Variants in PDE4A observed in about 807,000 individuals in gnomAD.
The protein encoded by PDE4A is 3',5'-cyclic-AMP phosphodiesterase 4A.
A neutral mutation model predicts 73.9 loss-of-function variants in PDE4A; 21 were observed. The ratio of observed to expected loss-of-function variants is 0.28; its 90% CI spans 0.20 to 0.41. The LOEUF is 0.41. PDE4A is among the 10% of genes least tolerant of loss of function. The pLI, the probability that PDE4A is intolerant of heterozygous loss-of-function variation, is 1.00. For synonymous variants in PDE4A, 463 were observed against 505.4 expected (o/e 0.92, Z 1.13); for missense variants, 958 against 1,211.4 (o/e 0.79, Z 3.10).
In PDE4A at chr19:10,420,557, G is replaced by A. The variant is rs575681254; in HGVS notation, c.-208G>A. The A allele has an allele frequency of 4.5e-5, 55 of 1,223,918 alleles. No individual in the cohort carries two copies. The East Asian group carries it at 1.6e-3, about 35-fold the overall frequency. 75.8% of individuals were successfully genotyped at this position (1,223,918 alleles called of 1,614,324 possible). A position where few individuals can be genotyped will look rare whatever the true frequency, so the allele number is the denominator to read the frequency against. On this transcript the variant is annotated 5_prime_UTR_variant, in exon 1 of 15. Coordinates refer to ENST00000380702, the MANE Select transcript of PDE4A (RefSeq NM_001111307.2). The surrounding 1 kb of genome is among the most constrained non-coding windows in gnomAD (Gnocchi z 6.0). ...CGCGGAGAGCGCCGCCGGGCACTGAGCAGAGCTCCAGGCGCCGAAAGGAAG... is the reference window on the plus strand; with the variant it reads ...CGCGGAGAGCGCCGCCGGGCACTGAACAGAGCTCCAGGCGCCGAAAGGAAG...
At chr19:10,465,683 C>CTTTTTTTTGTTTTTT (rs2043355269) in intron 14 of PDE4A, among the ~76,000 whole-genome samples, 1 of 48,366 alleles carries the variant, frequency 2.1e-5, no homozygotes, top group Non-Finnish European at 3.7e-5. Flanking sequence ...GTGGCTTTAG[C>CTTTTTTTTGTTTTTT]TTTTTTTTTT....
chr19:10,421,447 G>A (rs1178593573), intron 1 of PDE4A: 2 of 586,132 alleles, frequency 3.4e-6, no homozygotes, highest in Admixed American at 1.3e-4. Context: ...CTATACTGAG[G>A]GCTAGATTCG....
At chr19:10,450,502 T>C in intron 4 of PDE4A, 101 bp from the exon 5 acceptor site, 1 of 1,482,330 alleles carries the variant, frequency 6.7e-7, no homozygotes. Flanking sequence ...ACGGTGAGTT[T>C]TCAGACAAAT....
intron 13 of PDE4A, 47 bp from the exon 14 acceptor site, chr19:10,463,746 C>T (rs1187109628): frequency 1.9e-6 from 3 of 1,602,704 alleles, no homozygotes; most frequent in African/African-American, 1.3e-5. Context: ...CAGACTGGGA[C>T]ACAGGCATAG....
chr19:10,448,473 C>T (rs1213639571), intron 2 of PDE4A, among the ~76,000 whole-genome samples: 5 of 151,802 alleles, frequency 3.3e-5, no homozygotes, highest in African/African-American at 1.2e-4. Context: ...CCAGTCTCTA[C>T]TAAAAATACA....
intron 5 of PDE4A, 46 bp from the exon 6 acceptor site, chr19:10,450,783 T>A: frequency 6.3e-7 from 1 of 1,581,038 alleles, no homozygotes; most frequent in Non-Finnish European, 8.6e-7. Context: ...TCTGGGCTTC[T>A]GCCTACAGAC....
At chr19:10,430,939 AGCCCCTG>A (rs1045725115) in intron 1 of PDE4A, 1 of 1,515,722 alleles carries the variant, frequency 6.6e-7, no homozygotes, top group African/African-American at 1.4e-5. Context: ...TTCCTGCCCG[AGCCCCTG>A]GCCCCGCGCG....
intron 1 of PDE4A, chr19:10,423,067 T>G (rs1270383825): frequency 8.1e-6 from 8 of 983,182 alleles, no homozygotes; most frequent in Non-Finnish European, 8.5e-6. Flanking sequence ...CTTTTCCATA[T>G]GCATCCTCAT....
In PDE4A at chr19:10,453,182, C is replaced by T; in HGVS notation, c.784-1647C>T. ...TTCCACTACCCACCTGCCCGGCACC[C>T]CCTCCCCAGTGGTTGTTAACCCCGG... On this transcript the variant is annotated intron_variant, in intron 6 of 14. Coordinates refer to ENST00000380702, the MANE Select transcript of PDE4A (RefSeq NM_001111307.2). The surrounding 1 kb of genome is among the most constrained non-coding windows in gnomAD (Gnocchi z 4.6). The T allele has an allele frequency of 6.7e-7, 1 of 1,491,016 alleles. No individual in the cohort carries two copies. Among genetic ancestry groups the T allele is most frequent in the Non-Finnish European group, 9.0e-7 (1 of 1,116,802 alleles). The allele number at this position is 1,491,016 out of a possible 1,614,324, so 92.4% of individuals were successfully genotyped here.
chr19:10,425,234 C>A (rs1026998797), intron 1 of PDE4A, among the ~76,000 whole-genome samples: 523 of 140,854 alleles, frequency 3.7e-3, no homozygotes, highest in African/African-American at 0.013. Context: ...AAAAAAAAAA[C>A]AAAAAACAAA....
At position 10,424,266 on chromosome 19, in the gene PDE4A, G is replaced by C. The variant is rs1005774054; in HGVS notation, c.320+3182G>C. Reference sequence around the variant, plus strand: ...GGGGAGCTGTCTGAACTGGGGACGGGGCCAACATACGGACCCTGCGTCCCC... The same window carrying C: ...GGGGAGCTGTCTGAACTGGGGACGGCGCCAACATACGGACCCTGCGTCCCC... On this transcript the variant is annotated intron_variant, in intron 1 of 14. Transcript: ENST00000380702. This position sits in a 1 kb window ranked among gnomAD's most constrained non-coding sequence, Gnocchi z 4.8. Among the ~76,000 whole-genome samples the C allele has an allele frequency of 1.3e-5, 2 of 152,224 alleles. No homozygotes were observed. The highest frequency in any genetic ancestry group is 1.5e-5 in the Non-Finnish European group (1 of 68,030).
chr19:10,450,944 G>A lies in PDE4A; in HGVS notation c.783+3G>A. On this transcript the variant is annotated splice_donor_region_variant and intron_variant, in intron 6 of 14. Transcript: ENST00000380702. ...TCAGCGAGATGGCCTCGCACAAGGT[G>A]TGCAGGTGGTGGGCAGAACCCCTGG... The A allele has an allele frequency of 6.3e-7, 1 of 1,588,222 alleles. No individual in the cohort carries two copies.
intron 1 of PDE4A, among the ~76,000 whole-genome samples, chr19:10,439,461 C>T (rs1185668249): frequency 3.9e-5 from 6 of 152,230 alleles, no homozygotes; most frequent in South Asian, 4.1e-4. Flanking sequence ...GGATTACAGG[C>T]GTGAGCCACC....
rs148379019 is a variant in PDE4A, at chr19:10,463,909, G to A, written c.1860G>A (p.Glu620=). 6.4e-5 allele frequency: 103 copies of A among 1,614,122 alleles called. 1 individual carries two copies. The African/African-American group carries it at 1.2e-3, about 19-fold the overall frequency. The part of the protein sequence containing the change: ...MAEFFQQGDR[E]RERGMEISPM... ...AGTTCTTCCAGCAGGGTGACCGAGA[G>A]CGCGAGCGTGGCATGGAAATCAGCC... The change falls in exon 14 of 15, where the codon GAG becomes GAA. Residue 620 remains glutamate (E), a synonymous_variant. Coordinates refer to ENST00000380702, the MANE Select transcript of PDE4A (RefSeq NM_001111307.2).
intron 2 of PDE4A, 83 bp from the exon 3 acceptor site, chr19:10,448,834 C>T (rs1271876046): frequency 1.3e-6 from 2 of 1,599,046 alleles, no homozygotes; most frequent in East Asian, 4.5e-5. Context: ...CTCTCAGCCT[C>T]CCTGGGTCCA....
rs780876253 is a variant in PDE4A at position 10,467,197 on chromosome 19, T to G, written c.2237T>G (p.Leu746Arg). The G allele has an allele frequency of 6.2e-6, 10 of 1,613,972 alleles. No individual in the cohort carries two copies. Among genetic ancestry groups the G allele is most frequent in the Non-Finnish European group, 8.5e-6 (10 of 1,180,008 alleles). Residue 746 changes from leucine to arginine, a missense_variant, in exon 15 of 15, where the codon CTG becomes CGG. Around this residue, in one of 3 missense-constraint regions of PDE4A, gnomAD observed 243 missense variants for 245.9 expected, o/e 0.99. Coordinates refer to ENST00000380702, the MANE Select transcript of PDE4A (RefSeq NM_001111307.2). Reference protein sequence around the residue: ...AQGLSGVEEALDATIAWEASP... With the variant: ...AQGLSGVEEARDATIAWEASP... ...GGATTGTCAGGAGTCGAGGAAGCTC[T>G]GGATGCAACCATAGCCTGGGAGGCA...
At chr19:10,433,143 C>G (rs932256913) in intron 1 of PDE4A, among the ~76,000 whole-genome samples, 5 of 152,236 alleles carry the variant, frequency 3.3e-5, no homozygotes, top group Non-Finnish European at 2.9e-5. Flanking sequence ...CTTTCCTGCT[C>G]CATGGTCTCT....
chr19:10,460,494 A>G (rs1332530834), intron 10 of PDE4A, among the ~76,000 whole-genome samples: 4 of 149,422 alleles, frequency 2.7e-5, no homozygotes, highest in Non-Finnish European at 3.0e-5. Flanking sequence ...GTGAGACTTC[A>G]TCTCAAAAAA....
At chr19:10,432,137 G>C (rs1191232843) in intron 1 of PDE4A, among the ~76,000 whole-genome samples, 1 of 140,760 alleles carries the variant, frequency 7.1e-6, no homozygotes, top group Non-Finnish European at 1.6e-5. Flanking sequence ...CCGGGAAACC[G>C]GAGCCCCGGG....
Sources: allele counts gnomAD v4.1 joint callset (sites outside exome capture counted in the v4.1 genomes callset), GRCh38; gene constraint gnomAD v4.1.1; regional missense constraint gnomAD v4.1.1; non-coding constraint Gnocchi (gnomAD v3.1); transcripts MANE v1.5; gene names NCBI Gene and HGNC (gene_info 2026-07-23, HGNC 2026-07-21).